Variants in MANBA observed in about 807,000 individuals in gnomAD.
MANBA encodes beta-mannosidase.
Under a neutral mutation model 111.1 loss-of-function variants are expected in MANBA, and 83 were observed. That is an observed-to-expected ratio of 0.75 (90% confidence interval 0.63 to 0.90). The LOEUF (loss-of-function observed/expected upper bound fraction) is 0.90. Among genes scored for constraint, MANBA ranks in the 40% least tolerant of loss-of-function variants. The pLI is 0.00. For synonymous variants in MANBA, 370 were observed against 378.7 expected (o/e 0.98, Z 0.27); for missense variants, 1,036 against 1,069.0 (o/e 0.97, Z 0.43).
At chr4:102,667,607 C>A (rs1238437989) in intron 10 of MANBA, 2 of 152,104 alleles carry the variant, frequency 1.3e-5, no homozygotes, top group Non-Finnish European at 2.9e-5. Context: ...ATTTTTGAAA[C>A]AGTTTCATGA....
chr4:102,686,859 G>A (rs910868970), intron 7 of MANBA, among the ~76,000 whole-genome samples: 3 of 151,980 alleles, frequency 2.0e-5, no homozygotes, highest in African/African-American at 2.4e-5. Context: ...TATTTCATCC[G>A]CTACCATGGC....
intron 13 of MANBA, among the ~76,000 whole-genome samples, chr4:102,649,581 T>G (rs1730242403): frequency 6.6e-6 from 1 of 152,200 alleles, no homozygotes; most frequent in African/African-American, 2.4e-5. Context: ...TCAAGATTTT[T>G]GTCCATTTTT....
At chr4:102,711,174 A>G (rs1410613445) in intron 5 of MANBA, among the ~76,000 whole-genome samples, 1 of 152,220 alleles carries the variant, frequency 6.6e-6, no homozygotes, top group African/African-American at 2.4e-5. Context: ...AACAGAATGT[A>G]GAGACAACTT....
chr4:102,672,753 T>C (rs1367634085), intron 8 of MANBA, among the ~76,000 whole-genome samples: 1 of 152,220 alleles, frequency 6.6e-6, no homozygotes, highest in Non-Finnish European at 1.5e-5. Context: ...TATTGTGAAC[T>C]GTGCATGCGA....
intron 1 of MANBA, among the ~76,000 whole-genome samples, chr4:102,759,885 G>C (rs1724170147): frequency 2.6e-5 from 4 of 152,108 alleles, no homozygotes. Context: ...TTGTTATGAG[G>C]ATTGGACAAT....
chr4:102,672,882 C>T (rs1325989152), intron 8 of MANBA, among the ~76,000 whole-genome samples: 1 of 152,138 alleles, frequency 6.6e-6, no homozygotes, highest in Non-Finnish European at 1.5e-5. Flanking sequence ...AACTGTCTTC[C>T]ATGAAACTGG....
At chr4:102,754,541 A>ATTTAT (rs1355133179) in intron 1 of MANBA, among the ~76,000 whole-genome samples, 3 of 151,896 alleles carry the variant, frequency 2.0e-5, no homozygotes, top group Non-Finnish European at 4.4e-5. Context: ...AAGAGTTGTT[A>ATTTAT]TTTATTTTAT....
intron 5 of MANBA, among the ~76,000 whole-genome samples, chr4:102,695,583 G>A (rs1560779010): frequency 2.0e-5 from 3 of 152,124 alleles, no homozygotes; most frequent in African/African-American, 2.4e-5. Flanking sequence ...CAAAATGTTC[G>A]AGGTAGAAGA....
intron 8 of MANBA, among the ~76,000 whole-genome samples, chr4:102,672,302 T>C (rs1450257967): frequency 6.6e-6 from 1 of 152,206 alleles, no homozygotes; most frequent in Admixed American, 6.5e-5. Flanking sequence ...TGTTATTTAA[T>C]TTAGATAATA....
rs146676872 is a variant in MANBA, at chr4:102,686,032, G to A, written c.960+3542C>T. Among the ~76,000 whole-genome samples the A allele has an allele frequency of 3.5e-3, 534 of 152,234 alleles. 3 individuals carry two copies. Among genetic ancestry groups the A allele is most frequent in the Middle Eastern group, 0.017 (5 of 294 alleles). On this transcript the variant is annotated intron_variant, in intron 7 of 16. Coordinates refer to ENST00000647097, the MANE Select transcript of MANBA (RefSeq NM_005908.4). The stretch of plus-strand genomic sequence containing the variant: ...AGCAAGATATTTCAGGCTCCAGCTC[G>A]AGAATCAGTCATTTCTCCAAAGAGC...
In MANBA at chr4:102,631,480, A is replaced by T; in HGVS notation, c.*577T>A. The T allele has an allele frequency of 2.9e-6, 1 of 343,114 alleles. No individual in the cohort carries two copies. The highest frequency in any genetic ancestry group is 5.2e-6 in the Non-Finnish European group (1 of 193,366). The allele number at this position is 343,114 out of a possible 1,614,324, so 21.3% of individuals were successfully genotyped here. ...TATAGAACGGTTAAATAAGCCACAG[A>T]TGAAATATCAAGTTGTCAATGTAAT... On this transcript the variant is annotated 3_prime_UTR_variant, in exon 17 of 17. Coordinates refer to ENST00000647097, the MANE Select transcript of MANBA (RefSeq NM_005908.4).
intron 6 of MANBA, among the ~76,000 whole-genome samples, chr4:102,690,206 T>A (rs1350619232): frequency 1.3e-5 from 2 of 152,138 alleles, no homozygotes; most frequent in Non-Finnish European, 2.9e-5. Context: ...GAATTAAAAT[T>A]GTGCATGTAG....
intron 1 of MANBA, among the ~76,000 whole-genome samples, chr4:102,759,005 G>A (rs1474221289): frequency 6.6e-6 from 1 of 152,118 alleles, no homozygotes; most frequent in Non-Finnish European, 1.5e-5. Flanking sequence ...TTCATACTAT[G>A]AGCAAATTCA....
At chr4:102,730,884 T>C (rs1248040071) in intron 1 of MANBA, among the ~76,000 whole-genome samples, 1 of 152,206 alleles carries the variant, frequency 6.6e-6, no homozygotes, top group African/African-American at 2.4e-5. Context: ...CCGTCAGCTC[T>C]AATCAATAAC....
At chr4:102,667,577 T>G (rs1225365639) in intron 10 of MANBA, 1 of 152,206 alleles carries the variant, frequency 6.6e-6, no homozygotes, top group Admixed American at 6.5e-5. Flanking sequence ...CTGCATGACT[T>G]ACACGTATTA....
intron 4 of MANBA, 140 bp from the exon 5 acceptor site, chr4:102,714,701 T>C: frequency 2.4e-6 from 2 of 823,264 alleles, no homozygotes; most frequent in East Asian, 5.3e-5. Context: ...ACAAACTAAG[T>C]GGTTTAAACA....
intron 1 of MANBA, chr4:102,728,474 T>C: frequency 5.1e-6 from 2 of 390,562 alleles, no homozygotes; most frequent in East Asian, 1.3e-4. Context: ...TTTTTCGGAA[T>C]ACCCATCTTT....
chr4:102,727,438 T>G (rs1391275524), intron 1 of MANBA: 1 of 1,308,244 alleles, frequency 7.6e-7, no homozygotes, highest in East Asian at 2.3e-5. Flanking sequence ...ATAGGCCAAT[T>G]GCACATGGGT....
intron 1 of MANBA, among the ~76,000 whole-genome samples, chr4:102,747,398 G>A (rs1235860440): frequency 6.6e-6 from 1 of 152,148 alleles, no homozygotes; most frequent in African/African-American, 2.4e-5. Flanking sequence ...TTCTGGCTTT[G>A]CTGGCAGCTG....
Sources: allele counts gnomAD v4.1 joint callset (sites outside exome capture counted in the v4.1 genomes callset), GRCh38; gene constraint gnomAD v4.1.1; transcripts MANE v1.5; gene names NCBI Gene and HGNC (gene_info 2026-07-23, HGNC 2026-07-21).